The following KDM2A variants were observed in gnomAD, a reference collection of about 807,000 sequenced individuals.
The protein encoded by KDM2A is lysine-specific demethylase 2A.
A neutral mutation model predicts 137.3 loss-of-function variants in KDM2A; 3 were observed. That is an observed-to-expected ratio of 0.02 (90% CI 0.01 to 0.06). KDM2A has a LOEUF of 0.06. Ranked by LOEUF, KDM2A falls within the 10% of genes least tolerant of loss-of-function variation. The pLI is 1.00. For synonymous variants in KDM2A, 512 were observed against 541.5 expected, an observed-to-expected ratio of 0.95 and a Z score of 0.76; for missense variants, 738 against 1,510.6, an observed-to-expected ratio of 0.49 and a Z score of 8.48.
intron 10 of KDM2A, among the ~76,000 whole-genome samples, chr11:67,225,794 G>A (rs948702782): frequency 3.4e-5 from 5 of 148,646 alleles, no homozygotes; most frequent in African/African-American, 1.2e-4. Context: ...GCTGGGCACG[G>A]TGGCTCATGC....
chr11:67,130,026 G>A (rs1174532615), intron 2 of KDM2A, among the ~76,000 whole-genome samples: 3 of 149,498 alleles, frequency 2.0e-5, no homozygotes, highest in Non-Finnish European at 4.4e-5. Flanking sequence ...GCAATGGTGC[G>A]ATCTCTGCTC....
chr11:67,248,196 A>G, intron 15 of KDM2A, 85 bp from the exon 16 acceptor site: 2 of 996,280 alleles, frequency 2.0e-6, no homozygotes, highest in African/African-American at 1.6e-5. Context: ...TTGTTGAGAA[A>G]TGAGTAACTC....
intron 2 of KDM2A, among the ~76,000 whole-genome samples, chr11:67,142,896 C>G (rs1170873688): frequency 6.6e-6 from 1 of 151,796 alleles, no homozygotes; most frequent in Non-Finnish European, 1.5e-5. Context: ...CAAGCTTCAA[C>G]AATTATCAAA....
chr11:67,247,075 T>TATATATATATATAA (rs1565424323), intron 15 of KDM2A, among the ~76,000 whole-genome samples: 1 of 62,732 alleles, frequency 1.6e-5, no homozygotes, highest in Non-Finnish European at 2.9e-5. Flanking sequence ...ATATATATTT[T>TATATATATATATAA]TTTTTTTTTT....
intron 2 of KDM2A, among the ~76,000 whole-genome samples, chr11:67,163,180 T>A (rs186970196): frequency 1.1e-4 from 16 of 152,326 alleles, no homozygotes; most frequent in Admixed American, 8.5e-4. Context: ...ACTTTCGTAT[T>A]TATGTTTGAC....
intron 2 of KDM2A, among the ~76,000 whole-genome samples, chr11:67,139,993 C>T (rs529700227): frequency 1.3e-4 from 20 of 152,168 alleles, no homozygotes; most frequent in Admixed American, 9.8e-4. Context: ...CGTGAGCCAC[C>T]GCACCTGGCC....
intron 2 of KDM2A, among the ~76,000 whole-genome samples, chr11:67,131,737 C>T (rs1855859868): frequency 6.6e-6 from 1 of 152,134 alleles, no homozygotes; most frequent in Non-Finnish European, 1.5e-5. Flanking sequence ...TTGCTAACGT[C>T]TGTCTGCTTA....
chr11:67,240,348 CCA>C (rs1436148615), intron 12 of KDM2A: 1 of 1,535,296 alleles, frequency 6.5e-7, no homozygotes, highest in South Asian at 1.2e-5. Context: ...CTCGGCAGCT[CCA>C]GAGCGACGGG....
chr11:67,207,345 A>G (rs1007828992), intron 5 of KDM2A, among the ~76,000 whole-genome samples, 165 bp from the exon 6 acceptor site: 2 of 152,160 alleles, frequency 1.3e-5, no homozygotes, highest in Non-Finnish European at 2.9e-5. Context: ...TGTCTTTCCC[A>G]TTCTTTGTGA....
chr11:67,243,251 G>A (rs931763881), intron 13 of KDM2A, among the ~76,000 whole-genome samples, 159 bp downstream of exon 13: 6 of 152,182 alleles, frequency 3.9e-5, no homozygotes, highest in Non-Finnish European at 8.8e-5. Context: ...TGACTCGTAG[G>A]TCAGGGTAAT....
chr11:67,200,220 T>G (rs566726769), intron 5 of KDM2A, among the ~76,000 whole-genome samples: 13 of 152,116 alleles, frequency 8.5e-5, no homozygotes, highest in Non-Finnish European at 1.8e-4. Context: ...TTGTGTGGTT[T>G]TTTTTTTTCT....
intron 2 of KDM2A, among the ~76,000 whole-genome samples, chr11:67,167,330 T>C (rs1347226099): frequency 2.0e-5 from 3 of 152,198 alleles, no homozygotes; most frequent in African/African-American, 7.2e-5. Context: ...GCAAGCACAC[T>C]GAACAGTTGA....
intron 2 of KDM2A, chr11:67,149,298 A>G (rs1303620975): frequency 2.6e-5 from 4 of 152,080 alleles, no homozygotes; most frequent in Non-Finnish European, 5.9e-5. Context: ...ATTCATTTCT[A>G]AAGTGCAGGT....
Position 67,254,524 on chromosome 11 carries a change from A to T in KDM2A, c.3307+106A>T, listed in dbSNP as rs1445940977. 1.5e-5 allele frequency: 14 copies of T among 933,588 alleles called. No homozygotes were observed. Among genetic ancestry groups the T allele is most frequent in the Non-Finnish European group, 2.4e-5 (14 of 584,290 alleles). The allele number at this position is 933,588 out of a possible 1,614,324, so 57.8% of individuals were successfully genotyped here. A position where few individuals can be genotyped will look rare whatever the true frequency, so the allele number is the denominator to read the frequency against. On this transcript the variant is annotated intron_variant, in intron 20 of 20. Transcript: ENST00000529006. The surrounding 1 kb of genome is among the most constrained non-coding windows in gnomAD (Gnocchi z 4.7). ...ACCTTGGGTCTGTTGATTGACCCACATCAGCTCATTTCTTCACATCTGGAC... is the reference window on the plus strand; with the variant it reads ...ACCTTGGGTCTGTTGATTGACCCACTTCAGCTCATTTCTTCACATCTGGAC...
intron 2 of KDM2A, among the ~76,000 whole-genome samples, chr11:67,165,707 A>G (rs1223229061): frequency 6.6e-6 from 1 of 152,114 alleles, no homozygotes; most frequent in African/African-American, 2.4e-5. Context: ...TCACTTAAAG[A>G]CTTAGGAGAA....
intron 12 of KDM2A, among the ~76,000 whole-genome samples, chr11:67,240,982 T>C (rs933621606): frequency 3.3e-5 from 5 of 152,196 alleles, no homozygotes; most frequent in African/African-American, 1.2e-4. Context: ...CACAAAAATC[T>C]TGCAGGTAGA....
chr11:67,195,704 A>G (rs1392444401), intron 5 of KDM2A: 1 of 167,324 alleles, frequency 6.0e-6, no homozygotes, highest in African/African-American at 2.4e-5. Flanking sequence ...CTTCAAGCAA[A>G]TTGCAGTTTT....
At chr11:67,191,344 C>T (rs1384566539) in intron 5 of KDM2A, among the ~76,000 whole-genome samples, 2 of 152,128 alleles carry the variant, frequency 1.3e-5, no homozygotes, top group African/African-American at 4.8e-5. Flanking sequence ...CTTCTTAAGT[C>T]TTTCTGTGAG....
intron 2 of KDM2A, among the ~76,000 whole-genome samples, chr11:67,164,016 G>C (rs1856690135): frequency 6.6e-6 from 1 of 152,112 alleles, no homozygotes; most frequent in Non-Finnish European, 1.5e-5. Flanking sequence ...TTGAACTCTA[G>C]AAACCTGGTC....
Sources: gnomAD v4.1 joint callset for allele counts (sites outside exome capture counted in the v4.1 genomes callset) on GRCh38, gnomAD v4.1.1 for gene constraint, Gnocchi (gnomAD v3.1) non-coding constraint, MANE v1.5 for transcripts, NCBI Gene and HGNC (gene_info 2026-07-23, HGNC 2026-07-21) for gene names.